PCDHGA7: variants seen among roughly 807,000 people sequenced by gnomAD.
The protein encoded by PCDHGA7 is protocadherin gamma-A7.
Under a neutral mutation model 58.3 loss-of-function variants are expected in PCDHGA7, and 44 were observed. The observed-to-expected ratio is 0.75, with a 90% CI of 0.59 to 0.97. The LOEUF (loss-of-function observed/expected upper bound fraction) is 0.97. PCDHGA7 is among the 50% of genes least tolerant of loss of function. The pLI is 0.00. For synonymous variants in PCDHGA7, 516 were observed against 504.2 expected (o/e 1.02, Z -0.31); for missense variants, 1,266 against 1,188.7 (o/e 1.06, Z -0.96).
chr5:141,459,595 T>C (rs904266180), intron 1 of PCDHGA7, among the ~76,000 whole-genome samples: 10 of 152,232 alleles, frequency 6.6e-5, no homozygotes, highest in African/African-American at 9.6e-5. Context: ...TCATATGAAA[T>C]GGGAAGTATA....
At chr5:141,508,824 G>T (rs893436748) in intron 3 of PCDHGA7, among the ~76,000 whole-genome samples, 1 of 151,952 alleles carries the variant, frequency 6.6e-6, no homozygotes, top group Non-Finnish European at 1.5e-5. Context: ...CCAGATCTGG[G>T]CCCCCCTCCC....
intron 1 of PCDHGA7, chr5:141,403,631 C>A (rs751580878): frequency 2.5e-6 from 4 of 1,613,912 alleles, no homozygotes; most frequent in Non-Finnish European, 2.5e-6. Flanking sequence ...CAGCACAGTG[C>A]GCATCCATGT....
Position 141,385,209 on chromosome 5 carries a change from C to G in PCDHGA7, c.2310C>G (p.Phe770Leu), listed in dbSNP as rs375927473. 5.9e-5 allele frequency: 95 copies of G among 1,614,118 alleles called. No homozygotes were observed. The highest frequency in any genetic ancestry group is 7.8e-5 in the Non-Finnish European group (92 of 1,180,056). ...TADSRKSHLI[F>L]PQPNYVDMLI... ...ACTCTCGGAAGAGTCACCTGATCTTCCCCCAGCCCAACTATGTAGACATGC... is the reference window on the plus strand; with the variant it reads ...ACTCTCGGAAGAGTCACCTGATCTTGCCCCAGCCCAACTATGTAGACATGC... The change falls in exon 1 of 4, where the codon TTC becomes TTG. Residue 770 changes from phenylalanine (F) to leucine (L), a missense_variant. Coordinates refer to ENST00000518325, the MANE Select transcript of PCDHGA7 (RefSeq NM_018920.4).
intron 1 of PCDHGA7, chr5:141,387,711 C>T: frequency 9.6e-7 from 1 of 1,041,396 alleles, no homozygotes; most frequent in Non-Finnish European, 1.4e-6. Flanking sequence ...GCAGCCCCAG[C>T]TCAGACTCCC....
chr5:141,432,016 C>G lies in PCDHGA7; in HGVS notation c.2424+46693C>G. 1 of 1,614,202 alleles carries G rather than the reference C, an allele frequency of 6.2e-7. No individual in the cohort carries two copies. The highest frequency in any genetic ancestry group is 1.1e-5 in the South Asian group (1 of 91,082). ...ATAGGGAACAGGTTCCTAGCTACAACATCACAGTGACCGCCACTGACCGGG... is the reference window on the plus strand; with the variant it reads ...ATAGGGAACAGGTTCCTAGCTACAAGATCACAGTGACCGCCACTGACCGGG... On this transcript the variant is annotated intron_variant, in intron 1 of 3. Coordinates refer to ENST00000518325, the MANE Select transcript of PCDHGA7 (RefSeq NM_018920.4). The surrounding 1 kb of genome is among the most constrained non-coding windows in gnomAD (Gnocchi z 6.0).
intron 1 of PCDHGA7, chr5:141,409,515 T>C (rs1273041163): frequency 5.0e-6 from 8 of 1,613,844 alleles, no homozygotes; most frequent in Non-Finnish European, 6.8e-6. Context: ...AGTAGAAGCA[T>C]CACCTTGTAT....
At chr5:141,399,511 C>A (rs1252813422) in intron 1 of PCDHGA7, 1 of 1,613,924 alleles carries the variant, frequency 6.2e-7, no homozygotes, top group African/African-American at 1.3e-5. Flanking sequence ...CGAAAACAAC[C>A]CTCCTGGGGC....
At chr5:141,385,474 T>G (rs554098554) in intron 1 of PCDHGA7, 151 bp downstream of exon 1, 33 of 1,436,526 alleles carry the variant, frequency 2.3e-5, no homozygotes, top group Non-Finnish European at 2.7e-5. Context: ...GGTGACACTT[T>G]AATATAGAAC....
intron 1 of PCDHGA7, chr5:141,399,616 C>G (rs777443975): frequency 6.2e-7 from 1 of 1,613,962 alleles, no homozygotes. Flanking sequence ...GCCTCTGGCA[C>G]TGGCCTCTTA....
At chr5:141,428,245 C>A in intron 1 of PCDHGA7, 1 of 948,140 alleles carries the variant, frequency 1.1e-6, no homozygotes, top group South Asian at 1.4e-5. Flanking sequence ...GGAGGCACTG[C>A]CAGACTTCAG....
In PCDHGA7 at chr5:141,485,822, G is replaced by A. The variant is rs750883983; in HGVS notation, c.2425-8985G>A. 6.2e-7 allele frequency: 1 copy of A among 1,614,192 alleles called. No individual in the cohort carries two copies. The highest frequency in any genetic ancestry group is 1.1e-5 in the South Asian group (1 of 91,080). ...CCGCCTGGTGCTGACTGCTGTCGAT[G>A]GAGGGAACCCGCCGAGATCTGGCAC... On this transcript the variant is annotated intron_variant, in intron 1 of 3. Transcript: ENST00000518325. This position sits in a 1 kb window ranked among gnomAD's most constrained non-coding sequence, Gnocchi z 5.7.
chr5:141,450,899 A>C (rs1045595271), intron 1 of PCDHGA7, among the ~76,000 whole-genome samples: 1 of 149,514 alleles, frequency 6.7e-6, no homozygotes, highest in Non-Finnish European at 1.5e-5. Context: ...ATATCGGCTC[A>C]CTGCAACCGC....
chr5:141,508,737 C>T (rs919094477), intron 3 of PCDHGA7, among the ~76,000 whole-genome samples: 1 of 152,010 alleles, frequency 6.6e-6, no homozygotes, highest in Non-Finnish European at 1.5e-5. Flanking sequence ...CTACACCCCC[C>T]ACCCCGCTCT....
At chr5:141,395,138 C>G (rs147992300) in intron 1 of PCDHGA7, 3 of 1,614,204 alleles carry the variant, frequency 1.9e-6, no homozygotes, top group Non-Finnish European at 2.5e-6. Context: ...AGCCCAACTA[C>G]GCAGACATGC....
intron 1 of PCDHGA7, chr5:141,415,073 C>G: frequency 1.9e-6 from 3 of 1,613,434 alleles, no homozygotes; most frequent in Non-Finnish European, 2.5e-6. Flanking sequence ...GTGCGCACGG[C>G]GCGAGCCCTG....
chr5:141,424,697 T>C (rs1467404367), intron 1 of PCDHGA7: 4 of 152,342 alleles, frequency 2.6e-5, no homozygotes, highest in South Asian at 4.1e-4. Context: ...GGCTATTTTT[T>C]TGTTCATTTT....
At chr5:141,402,882 G>A in intron 1 of PCDHGA7, 1 of 1,479,680 alleles carries the variant, frequency 6.8e-7, no homozygotes, top group South Asian at 1.4e-5. Context: ...TACTTTGCAG[G>A]GTGGAAGAAA....
chr5:141,408,636 C>T (rs1236637669), intron 1 of PCDHGA7: 2 of 1,614,024 alleles, frequency 1.2e-6, no homozygotes. Flanking sequence ...ATTTTCGAAT[C>T]TGCATCCGCT....
In PCDHGA7 at chr5:141,485,629, C is replaced by G. The variant is rs1028146827; in HGVS notation, c.2425-9178C>G. The G allele has an allele frequency of 1.2e-6, 2 of 1,611,902 alleles. No individual in the cohort carries two copies. The highest frequency in any genetic ancestry group is 3.3e-5 in the Admixed American group (2 of 59,922). On this transcript the variant is annotated intron_variant, in intron 1 of 3. Coordinates refer to ENST00000518325, the MANE Select transcript of PCDHGA7 (RefSeq NM_018920.4). This position sits in a 1 kb window ranked among gnomAD's most constrained non-coding sequence, Gnocchi z 5.7. ...AGGCAGCTCCTCCAGGACAGCGTTTCCCGTTGGAAAAGGCTCAGGATGCAG... is the reference window on the plus strand; with the variant it reads ...AGGCAGCTCCTCCAGGACAGCGTTTGCCGTTGGAAAAGGCTCAGGATGCAG...
Sources: gnomAD v4.1 joint callset for allele counts (sites outside exome capture counted in the v4.1 genomes callset) on GRCh38, gnomAD v4.1.1 for gene constraint, Gnocchi (gnomAD v3.1) non-coding constraint, MANE v1.5 for transcripts, NCBI Gene and HGNC (gene_info 2026-07-23, HGNC 2026-07-21) for gene names.